Variants in ZNF280D observed in about 807,000 individuals in gnomAD.
The protein encoded by ZNF280D is suppressor of hairy wing homolog 4.
ZNF280D carries 39 observed loss-of-function variants against 94.7 expected under a neutral mutation model. The observed-to-expected ratio is 0.41, with a 90% confidence interval of 0.32 to 0.54. The LOEUF (loss-of-function observed/expected upper bound fraction) is 0.54. Ranked by LOEUF, ZNF280D falls within the 20% of genes least tolerant of loss-of-function variation. ZNF280D has a pLI of 0.22. For synonymous variants in ZNF280D, 398 were observed against 377.6 expected (o/e 1.05, Z -0.63); for missense variants, 1,090 against 1,149.3 (o/e 0.95, Z 0.75).
At position 56,693,119 on chromosome 15, in the gene ZNF280D, C is replaced by G; in HGVS notation, c.478G>C (p.Gly160Arg). 1.9e-6 allele frequency: 3 copies of G among 1,603,820 alleles called. No individual in the cohort carries two copies. The South Asian group carries it at 3.4e-5, about 18-fold the overall frequency. The part of the protein sequence containing the change: ...QDTGLSHYQG[G>R]PTLSMAGMSE... ...CAACCTGCCATAGAAAGTGTTGGTC[C>G]CCCTTGGTAATGTGATAATCCTGTA... Residue 160 changes from glycine (G) to arginine (R), a missense_variant, in exon 7 of 22, where the codon GGA becomes CGA. Around this residue, in one of 3 missense-constraint regions of ZNF280D, gnomAD observed 386 missense variants for 372.0 expected, o/e 1.04. Transcript: ENST00000267807.
At position 56,689,310 on chromosome 15, in the gene ZNF280D, C is replaced by T; in HGVS notation, c.660G>A (p.Met220Ile). 1 of 1,597,716 alleles carries T rather than the reference C, an allele frequency of 6.3e-7. No homozygotes were observed. The highest frequency in any genetic ancestry group is 8.5e-7 in the Non-Finnish European group (1 of 1,175,126). ...ACATTTCATATTTACCTTTTGCTAG[C>T]ATAGCCTGGGAAGAAGTCACTGAAG... ...KSPSVTSSQA[M>I]LAKGTNTSSN... Residue 220 changes from methionine (M) to isoleucine (I), a missense_variant, in exon 8 of 22, where the codon ATG becomes ATA. Around this residue, in one of 3 missense-constraint regions of ZNF280D, gnomAD observed 386 missense variants for 372.0 expected, o/e 1.04. Transcript: ENST00000267807.
chr15:56,680,651 A>AT (rs1242096368), intron 10 of ZNF280D, among the ~76,000 whole-genome samples: 1 of 136,488 alleles, frequency 7.3e-6, no homozygotes, highest in African/African-American at 3.6e-5. Flanking sequence ...AAACTTTTGT[A>AT]TTTTTTGTAG....
At chr15:56,704,061 A>C (rs1055450137) in intron 4 of ZNF280D, 60 bp downstream of exon 4, 2 of 1,587,984 alleles carry the variant, frequency 1.3e-6, no homozygotes, top group African/African-American at 2.7e-5. Context: ...ACAGTTCACA[A>C]GTTTTTCTAC....
intron 10 of ZNF280D, among the ~76,000 whole-genome samples, chr15:56,681,703 T>C (rs2055631308): frequency 6.6e-6 from 1 of 152,138 alleles, no homozygotes; most frequent in Admixed American, 6.5e-5. Flanking sequence ...CATTCATATA[T>C]TCCACTGGGA....
At chr15:56,649,873 A>T (rs1430154399) in intron 19 of ZNF280D, among the ~76,000 whole-genome samples, 1 of 152,078 alleles carries the variant, frequency 6.6e-6, no homozygotes, top group Non-Finnish European at 1.5e-5. Flanking sequence ...TGTTCCTAAG[A>T]GTTTACTTAC....
chr15:56,701,350 A>G, intron 4 of ZNF280D, 112 bp from the exon 5 acceptor site: 1 of 694,366 alleles, frequency 1.4e-6, no homozygotes, highest in Middle Eastern at 4.2e-4. Context: ...GGAGTATATA[A>G]CTAATCACTG....
chr15:56,672,053 T>G (rs2054902003), intron 13 of ZNF280D, among the ~76,000 whole-genome samples: 2 of 152,158 alleles, frequency 1.3e-5, no homozygotes, highest in African/African-American at 4.8e-5. Flanking sequence ...TTTGCTGAAG[T>G]TGCTTATCAG....
intron 19 of ZNF280D, among the ~76,000 whole-genome samples, chr15:56,651,546 T>TA (rs1166944836): frequency 4.6e-5 from 7 of 150,952 alleles, no homozygotes; most frequent in South Asian, 4.2e-4. Context: ...ATACATACTA[T>TA]AAAAAAAAAG....
intron 1 of ZNF280D, among the ~76,000 whole-genome samples, chr15:56,723,096 G>T (rs1473682841): frequency 3.4e-5 from 4 of 118,840 alleles, no homozygotes; most frequent in Non-Finnish European, 6.6e-5. Flanking sequence ...GGGGAGGGGG[G>T]AGGGATAGCA....
At chr15:56,666,349 T>C (rs367923203) in intron 16 of ZNF280D, 46 bp downstream of exon 16, 36 of 1,584,130 alleles carry the variant, frequency 2.3e-5, no homozygotes, top group Non-Finnish European at 3.0e-5. Context: ...AGAAACTTGC[T>C]GAACTATAAT....
At position 56,689,355 on chromosome 15, in the gene ZNF280D, T is replaced by C. The variant is rs577009544; in HGVS notation, c.615A>G (p.Val205=). 1.9e-6 allele frequency: 3 copies of C among 1,610,266 alleles called. No homozygotes were observed. Among genetic ancestry groups the C allele is most frequent in the Admixed American group, 3.4e-5 (2 of 59,596 alleles). ...CTGAAGGAGATTTAACTGAAGGTAA[T>C]ACAGCTGAGGAATTTGCTCCAGAAA... ...ESVSGANSSA[V]LPSVKSPSVT... Residue 205 remains valine (V), a synonymous_variant, in exon 8 of 22, where the codon GTA becomes GTG. Coordinates refer to ENST00000267807, the MANE Select transcript of ZNF280D (RefSeq NM_017661.4).
intron 20 of ZNF280D, among the ~76,000 whole-genome samples, chr15:56,640,811 G>A (rs2052591249): frequency 1.3e-5 from 2 of 152,118 alleles, no homozygotes. Flanking sequence ...AATATGTTAA[G>A]AAGGTTTAGA....
At chr15:56,643,209 C>A in intron 19 of ZNF280D, 1 of 323,064 alleles carries the variant, frequency 3.1e-6, no homozygotes, top group Non-Finnish European at 5.7e-6. Context: ...TGTGCTAAAT[C>A]AATAAAGACA....
At chr15:56,674,893 C>A (rs1167343692) in intron 13 of ZNF280D, among the ~76,000 whole-genome samples, 1 of 151,964 alleles carries the variant, frequency 6.6e-6, no homozygotes, top group Non-Finnish European at 1.5e-5. Flanking sequence ...CTGAGTTCTT[C>A]AAAGACAATA....
rs372733490 is a variant in ZNF280D, at chr15:56,658,468, T to A, written c.2013A>T (p.Pro671=). ...TCTTAAAAATACAAAACCTTTTGCT[T>A]GGACGGTTACTATGAAAGCTGGAGA... ...NHMMSFHSNR[P]SKRFCIFKKH... The change falls in exon 17 of 22, where the codon CCA becomes CCT. Residue 671 remains proline, a synonymous_variant. Coordinates refer to ENST00000267807, the MANE Select transcript of ZNF280D (RefSeq NM_017661.4). The A allele has an allele frequency of 1.6e-5, 25 of 1,583,080 alleles. No homozygotes were observed. Among genetic ancestry groups the A allele is most frequent in the African/African-American group, 2.7e-5 (2 of 72,912 alleles).
chr15:56,656,866 C>A (rs2053582840), intron 17 of ZNF280D, among the ~76,000 whole-genome samples: 1 of 151,974 alleles, frequency 6.6e-6, no homozygotes, highest in East Asian at 1.9e-4. Flanking sequence ...TGGGATAAAG[C>A]AAAGGGAAGA....
intron 6 of ZNF280D, among the ~76,000 whole-genome samples, chr15:56,693,758 A>C (rs1042406101): frequency 9.9e-5 from 15 of 152,192 alleles, no homozygotes; most frequent in African/African-American, 2.2e-4. Flanking sequence ...AAACGGAATC[A>C]ATCTGCAGTA....
intron 16 of ZNF280D, among the ~76,000 whole-genome samples, chr15:56,666,039 G>A (rs1484484132): frequency 2.0e-5 from 3 of 152,058 alleles, no homozygotes; most frequent in African/African-American, 7.2e-5. Context: ...AGGAGGCGAA[G>A]GCAGGGGAAT....
At chr15:56,653,868 T>C in intron 19 of ZNF280D, 4 of 1,237,730 alleles carry the variant, frequency 3.2e-6, no homozygotes, top group Non-Finnish European at 4.0e-6. Flanking sequence ...TATGTCAACC[T>C]GACACAAAGA....
Sources: allele counts gnomAD v4.1 joint callset (sites outside exome capture counted in the v4.1 genomes callset), GRCh38; gene constraint gnomAD v4.1.1; regional missense constraint gnomAD v4.1.1; transcripts MANE v1.5; gene names NCBI Gene and HGNC (gene_info 2026-07-23, HGNC 2026-07-21).